The following PLD5 variants were observed in gnomAD, a reference collection of about 807,000 sequenced individuals.
PLD5 encodes inactive phospholipase D5.
Under a neutral mutation model 61.1 loss-of-function variants are expected in PLD5, and 36 were observed. That is an observed-to-expected ratio of 0.59 (90% CI 0.45 to 0.78). The LOEUF (loss-of-function observed/expected upper bound fraction) is 0.78, where lower values mean the gene tolerates loss of function less well. Ranked by LOEUF, PLD5 falls within the 30% of genes least tolerant of loss-of-function variation. The pLI is 0.00. For missense variants in PLD5, 515 were observed against 644.4 expected (o/e 0.80, Z 2.17); for synonymous variants, 243 against 242.8 (o/e 1.00, Z -0.01).
At chr1:242,475,379 C>T (rs528189218) in intron 1 of PLD5, among the ~76,000 whole-genome samples, 4 of 139,220 alleles carry the variant, frequency 2.9e-5, no homozygotes, top group Non-Finnish European at 6.2e-5. Flanking sequence ...GCCGAGATTG[C>T]GCCACTGCAC....
chr1:242,500,823 C>A (rs556392947), intron 1 of PLD5, among the ~76,000 whole-genome samples: 1 of 151,940 alleles, frequency 6.6e-6, no homozygotes, highest in Admixed American at 6.6e-5. Flanking sequence ...AGGAGAGGAC[C>A]ACTGTAGAAT....
chr1:242,431,640 A>G (rs546337421), intron 1 of PLD5, among the ~76,000 whole-genome samples: 1 of 152,282 alleles, frequency 6.6e-6, no homozygotes, highest in African/African-American at 2.4e-5. Context: ...ACATTTTTCA[A>G]CTCTGTCACC....
At chr1:242,497,679 CAT>C (rs1312287062) in intron 1 of PLD5, among the ~76,000 whole-genome samples, 1 of 152,226 alleles carries the variant, frequency 6.6e-6, no homozygotes, top group African/African-American at 2.4e-5. Flanking sequence ...AATGAGATAA[CAT>C]ATTTGAAGAA....
intron 4 of PLD5, among the ~76,000 whole-genome samples, chr1:242,250,910 G>C (rs1672663313): frequency 6.6e-6 from 1 of 152,200 alleles, no homozygotes; most frequent in Non-Finnish European, 1.5e-5. Context: ...TTCCAGAAAT[G>C]TTAAGACTGC....
intron 1 of PLD5, chr1:242,449,498 G>A: frequency 1.3e-6 from 2 of 1,518,636 alleles, no homozygotes; most frequent in Non-Finnish European, 1.8e-6. Context: ...TTACATTTCA[G>A]TCCCTCAATT....
intron 1 of PLD5, among the ~76,000 whole-genome samples, chr1:242,499,784 T>G (rs1008847469): frequency 3.9e-5 from 6 of 152,128 alleles, no homozygotes; most frequent in African/African-American, 1.2e-4. Context: ...GGCAGGAATT[T>G]GGCAGGGCCC....
chr1:242,174,450 G>A (rs986703681), intron 5 of PLD5, among the ~76,000 whole-genome samples: 18 of 151,734 alleles, frequency 1.2e-4, no homozygotes, highest in African/African-American at 4.4e-4. Flanking sequence ...CACTGTTGGT[G>A]GGACTGTAAA....
chr1:242,374,192 C>T (rs576623578), intron 1 of PLD5, among the ~76,000 whole-genome samples: 29 of 152,074 alleles, frequency 1.9e-4, no homozygotes, highest in Non-Finnish European at 3.1e-4. Context: ...TCCTGTACCA[C>T]GACATATTTA....
chr1:242,230,020 G>C (rs144679093), intron 4 of PLD5, among the ~76,000 whole-genome samples: 13 of 152,040 alleles, frequency 8.6e-5, no homozygotes, highest in African/African-American at 2.4e-4. Context: ...TCTGCTTGTC[G>C]CAACTGTCAG....
chr1:242,309,731 C>T (rs183679088), intron 2 of PLD5, among the ~76,000 whole-genome samples: 1 of 149,924 alleles, frequency 6.7e-6, no homozygotes, highest in East Asian at 1.9e-4. Context: ...CAATTCTCTC[C>T]TGTCCATGAT....
chr1:242,241,918 GTA>G (rs199673112), intron 4 of PLD5, among the ~76,000 whole-genome samples: 3 of 102,626 alleles, frequency 2.9e-5, no homozygotes, highest in South Asian at 6.8e-4. Flanking sequence ...TATACTTACT[GTA>G]TATATATATA....
chr1:242,115,269 A>G (rs1661854752), intron 6 of PLD5, among the ~76,000 whole-genome samples: 1 of 152,214 alleles, frequency 6.6e-6, no homozygotes, highest in African/African-American at 2.4e-5. Context: ...ACCCTGGTCC[A>G]TGGAAAAACT....
intron 1 of PLD5, among the ~76,000 whole-genome samples, chr1:242,425,175 C>T (rs922482736): frequency 2.6e-5 from 4 of 152,120 alleles, no homozygotes; most frequent in Non-Finnish European, 4.4e-5. Context: ...GATGGAGATA[C>T]GTTCTGTGAA....
chr1:242,322,437 A>G (rs1241970677), intron 2 of PLD5, among the ~76,000 whole-genome samples: 3 of 151,862 alleles, frequency 2.0e-5, no homozygotes, highest in African/African-American at 4.8e-5. Context: ...CTCTCTTCCT[A>G]TTGGTTTCTT....
intron 1 of PLD5, among the ~76,000 whole-genome samples, chr1:242,512,242 T>C (rs1193216147): frequency 6.8e-6 from 1 of 146,336 alleles, no homozygotes; most frequent in Non-Finnish European, 1.5e-5. Context: ...AAACCTCGTC[T>C]CTACTAAAAA....
chr1:242,270,953 T>G (rs1674027417), intron 3 of PLD5, among the ~76,000 whole-genome samples: 1 of 152,112 alleles, frequency 6.6e-6, no homozygotes, highest in South Asian at 2.1e-4. Flanking sequence ...CTTAACACAA[T>G]GGGGACCTGG....
chr1:242,281,000 G>A (rs561271601), intron 3 of PLD5, among the ~76,000 whole-genome samples: 35 of 152,318 alleles, frequency 2.3e-4, no homozygotes, highest in African/African-American at 7.9e-4. Flanking sequence ...TAGGCTTAGA[G>A]AGCCAGGGAA....
chr1:242,162,506 A>C (rs980498295), intron 5 of PLD5, among the ~76,000 whole-genome samples: 1 of 152,200 alleles, frequency 6.6e-6, no homozygotes, highest in African/African-American at 2.4e-5. Flanking sequence ...ATCCCCAGGA[A>C]GCCAGTGTCT....
At chr1:242,357,072 G>A (rs1426532185) in intron 1 of PLD5, among the ~76,000 whole-genome samples, 1 of 150,864 alleles carries the variant, frequency 6.6e-6, no homozygotes, top group Non-Finnish European at 1.5e-5. Context: ...TTTTTTTTTA[G>A]CTTAAAGAAT....
Sources: gnomAD v4.1 joint callset for allele counts (sites outside exome capture counted in the v4.1 genomes callset) on GRCh38, gnomAD v4.1.1 for gene constraint, MANE v1.5 for transcripts, NCBI Gene and HGNC (gene_info 2026-07-23, HGNC 2026-07-21) for gene names.